Variants in RAPGEF4 observed in about 807,000 individuals in gnomAD.
RAPGEF4 encodes the protein RAP guanine-nucleotide-exchange factor (GEF) 4.
RAPGEF4 carries 66 observed loss-of-function variants against 147.9 expected under a neutral mutation model. The ratio of observed to expected loss-of-function variants is 0.45; its 90% CI spans 0.37 to 0.55. The LOEUF is 0.55. RAPGEF4 is among the 20% of genes least tolerant of loss of function. The pLI is 0.00. For missense variants in RAPGEF4, 1,071 were observed against 1,257.3 expected, an observed-to-expected ratio of 0.85 and a Z score of 2.24; for synonymous variants, 419 against 442.7, an observed-to-expected ratio of 0.95 and a Z score of 0.67.
At chr2:172,884,914 A>G (rs994800860) in intron 4 of RAPGEF4, among the ~76,000 whole-genome samples, 1 of 152,260 alleles carries the variant, frequency 6.6e-6, no homozygotes, top group Non-Finnish European at 1.5e-5. Context: ...CTGATGAAAC[A>G]TAAAGATTAC....
intron 3 of RAPGEF4, among the ~76,000 whole-genome samples, chr2:172,798,592 G>A (rs1209931638): frequency 1.7e-5 from 2 of 120,728 alleles, no homozygotes; most frequent in African/African-American, 5.9e-5. Flanking sequence ...TTATTTAAAG[G>A]GACAAATAAC....
At chr2:172,990,786 A>T in intron 14 of RAPGEF4, 24 bp from the exon 15 acceptor site, 1 of 1,557,388 alleles carries the variant, frequency 6.4e-7, no homozygotes, top group Non-Finnish European at 8.9e-7. Flanking sequence ...CAGCATCTGT[A>T]TGTGGTGTAA....
At chr2:172,871,300 G>A (rs984261538) in intron 4 of RAPGEF4, among the ~76,000 whole-genome samples, 2 of 152,158 alleles carry the variant, frequency 1.3e-5, no homozygotes, top group Non-Finnish European at 2.9e-5. Flanking sequence ...TTTGAGGTGT[G>A]GAGGCCCTTG....
At position 172,779,154 on chromosome 2, in the gene RAPGEF4, T is replaced by C. The variant is rs74510140; in HGVS notation, c.66-15871T>C. ...ATTGTTCTCGGTACTGGAGATACAATTGTTTTTAAAAAAGAATCCCTGCTT... is the reference window on the plus strand; with the variant it reads ...ATTGTTCTCGGTACTGGAGATACAACTGTTTTTAAAAAAGAATCCCTGCTT... On this transcript the variant is annotated intron_variant, in intron 1 of 30. Coordinates refer to ENST00000397081, the MANE Select transcript of RAPGEF4 (RefSeq NM_007023.4). Among the ~76,000 whole-genome samples the C allele has an allele frequency of 2.3e-3, 349 of 152,324 alleles. 2 individuals carry two copies. The highest frequency in any genetic ancestry group is 0.019 in the East Asian group (99 of 5,188).
chr2:172,967,239 C>A, intron 9 of RAPGEF4, 22 bp from the exon 10 acceptor site: 2 of 1,603,214 alleles, frequency 1.2e-6, no homozygotes, highest in Non-Finnish European at 1.7e-6. Context: ...GCAGCTGACA[C>A]GTGCTTCCAT....
At chr2:172,901,053 T>A (rs1177386422) in intron 4 of RAPGEF4, among the ~76,000 whole-genome samples, 2 of 152,300 alleles carry the variant, frequency 1.3e-5, no homozygotes, top group Admixed American at 6.5e-5. Context: ...ACCAATTAGA[T>A]AAAGTCATCA....
intron 17 of RAPGEF4, among the ~76,000 whole-genome samples, chr2:173,010,208 G>A (rs1694875947): frequency 6.6e-6 from 1 of 152,228 alleles, no homozygotes; most frequent in Non-Finnish European, 1.5e-5. Flanking sequence ...AAATGTGTCA[G>A]TGATAAGTTT....
At chr2:172,803,601 T>C (rs986108767) in intron 3 of RAPGEF4, among the ~76,000 whole-genome samples, 1 of 152,212 alleles carries the variant, frequency 6.6e-6, no homozygotes, top group Non-Finnish European at 1.5e-5. Context: ...ATTTTCCCCA[T>C]TGTCTTGGGG....
chr2:172,761,032 A>G (rs1255743772), intron 1 of RAPGEF4, among the ~76,000 whole-genome samples: 1 of 151,980 alleles, frequency 6.6e-6, no homozygotes, highest in Non-Finnish European at 1.5e-5. Flanking sequence ...TAGGGGAAAA[A>G]CAATGAGAAT....
At chr2:172,862,598 C>T (rs553513346) in intron 4 of RAPGEF4, among the ~76,000 whole-genome samples, 48 of 152,254 alleles carry the variant, frequency 3.2e-4, no homozygotes, top group South Asian at 2.9e-3. Flanking sequence ...GATATGATAA[C>T]GGCAAGTCTG....
intron 6 of RAPGEF4, among the ~76,000 whole-genome samples, chr2:172,951,053 C>T (rs1688162208): frequency 6.6e-6 from 1 of 152,202 alleles, no homozygotes; most frequent in African/African-American, 2.4e-5. Context: ...AATGAGATCC[C>T]CATGGGCTTC....
intron 1 of RAPGEF4, among the ~76,000 whole-genome samples, chr2:172,755,339 G>A (rs1331351038): frequency 6.6e-6 from 1 of 152,166 alleles, no homozygotes; most frequent in Non-Finnish European, 1.5e-5. Context: ...TGAGATTTTA[G>A]ATAGAAAAGT....
chr2:172,860,530 T>C (rs1415022256), intron 4 of RAPGEF4, among the ~76,000 whole-genome samples: 2 of 151,870 alleles, frequency 1.3e-5, no homozygotes, highest in African/African-American at 2.4e-5. Context: ...GTCATAACTG[T>C]CTGCAGGAAG....
chr2:172,893,176 TCAGCTGTG>T (rs918882658), intron 4 of RAPGEF4, among the ~76,000 whole-genome samples: 13 of 152,172 alleles, frequency 8.5e-5, no homozygotes, highest in African/African-American at 3.1e-4. Context: ...GTGGAAATGG[TCAGCTGTG>T]GGTCCACAGC....
chr2:172,839,667 C>T (rs1691363853), intron 4 of RAPGEF4, among the ~76,000 whole-genome samples: 1 of 151,416 alleles, frequency 6.6e-6, no homozygotes, highest in Admixed American at 6.6e-5. Flanking sequence ...TCTGGGAATG[C>T]AGCCCGGTAG....
chr2:172,988,346 A>G, intron 13 of RAPGEF4, 74 bp downstream of exon 13: 18 of 1,523,922 alleles, frequency 1.2e-5, no homozygotes, highest in Non-Finnish European at 1.6e-5. Flanking sequence ...TTAGCAATGT[A>G]GTGCCACAAT....
chr2:172,765,369 A>G (rs978414015), intron 1 of RAPGEF4, among the ~76,000 whole-genome samples: 3 of 152,246 alleles, frequency 2.0e-5, no homozygotes, highest in Admixed American at 2.0e-4. Flanking sequence ...CCCAGTACAG[A>G]CAATAACAGG....
chr2:172,921,745 C>G (rs536063534), intron 5 of RAPGEF4, among the ~76,000 whole-genome samples: 51 of 152,250 alleles, frequency 3.3e-4, no homozygotes, highest in African/African-American at 8.2e-4. Context: ...ACTGAGATAC[C>G]CCTGGAAACA....
At chr2:172,939,961 T>C (rs895495510) in intron 6 of RAPGEF4, among the ~76,000 whole-genome samples, 1 of 152,182 alleles carries the variant, frequency 6.6e-6, no homozygotes, top group Non-Finnish European at 1.5e-5. Context: ...TTTTTGGACT[T>C]CACATTCTGT....
Sources: allele counts gnomAD v4.1 joint callset (sites outside exome capture counted in the v4.1 genomes callset), GRCh38; gene constraint gnomAD v4.1.1; transcripts MANE v1.5; gene names NCBI Gene and HGNC (gene_info 2026-07-23, HGNC 2026-07-21).